Variants in GMEB2 observed in about 807,000 individuals in gnomAD.
The protein encoded by GMEB2 is glucocorticoid modulatory element-binding protein 2.
Under a neutral mutation model 45.7 loss-of-function variants are expected in GMEB2, and 7 were observed. The ratio of observed to expected loss-of-function variants is 0.15; its 90% CI spans 0.09 to 0.29. The LOEUF is 0.29. Among genes scored for constraint, GMEB2 ranks in the 10% least tolerant of loss-of-function variants. The pLI, the probability that GMEB2 is intolerant of heterozygous loss-of-function variation, is 1.00. For synonymous variants in GMEB2, 322 were observed against 323.6 expected (o/e 1.00, Z 0.05); for missense variants, 582 against 739.2 (o/e 0.79, Z 2.47).
chr20:63,609,508 C>T (rs1301334334), intron 2 of GMEB2, among the ~76,000 whole-genome samples: 10 of 56,326 alleles, frequency 1.8e-4, no homozygotes, highest in African/African-American at 3.8e-4. Context: ...TAGAAACATG[C>T]CCCTCTGACC....
At chr20:63,604,012 C>A (rs2089497872) in intron 3 of GMEB2, among the ~76,000 whole-genome samples, 2 of 150,336 alleles carry the variant, frequency 1.3e-5, no homozygotes, top group Non-Finnish European at 2.9e-5. Flanking sequence ...TGAGATCATG[C>A]CATCACACTC....
At chr20:63,607,342 C>CA (rs2089529260) in intron 2 of GMEB2, among the ~76,000 whole-genome samples, 1 of 29,794 alleles carries the variant, frequency 3.4e-5, no homozygotes. Flanking sequence ...CTGACCTCAC[C>CA]TCCATTTCTA....
intron 1 of GMEB2, among the ~76,000 whole-genome samples, chr20:63,622,175 C>G (rs190180711): frequency 6.6e-6 from 1 of 152,200 alleles, no homozygotes; most frequent in East Asian, 1.9e-4. Flanking sequence ...ATAAAATCTT[C>G]CAGAACTTTT....
intron 9 of GMEB2, among the ~76,000 whole-genome samples, chr20:63,591,673 C>T (rs554977409): frequency 9.2e-5 from 14 of 152,280 alleles, no homozygotes; most frequent in African/African-American, 3.4e-4. Context: ...CCACGTTGGC[C>T]AGGCTGGTCT....
Position 63,592,945 on chromosome 20 carries a change from G to A in GMEB2, c.691+66C>T, listed in dbSNP as rs2083161503. On this transcript the variant is annotated intron_variant, in intron 7 of 9. Transcript: ENST00000370077. This position sits in a 1 kb window ranked among gnomAD's most constrained non-coding sequence, Gnocchi z 8.2. ...GACTCCTGGAGCCCCTGTGTGGCCC[G>A]AGGTGGGCAGAGACTCCACCACCCC... 16 of 1,077,144 alleles carry A rather than the reference G, an allele frequency of 1.5e-5. No homozygotes were observed. The highest frequency in any genetic ancestry group is 1.3e-4 in the South Asian group (10 of 75,724). 66.7% of individuals were successfully genotyped at this position (1,077,144 alleles called of 1,614,324 possible).
At position 63,590,424 on chromosome 20, in the gene GMEB2, C is replaced by A; in HGVS notation, c.1258G>T (p.Ala420Ser). 1 of 1,555,156 alleles carries A rather than the reference C, an allele frequency of 6.4e-7. No homozygotes were observed. Among genetic ancestry groups the A allele is most frequent in the Non-Finnish European group, 8.7e-7 (1 of 1,145,104 alleles). The part of the protein sequence containing the change: ...LGKGSLQAPP[A>S]SSPASPLLGG... ...AGCAGCGGGGAGGCCGGGGAGCTGG[C>A]GGGGGGCGCCTGAAGGGAACCCTTG... Residue 420 changes from alanine (A) to serine (S), a missense_variant, in exon 10 of 10, where the codon GCC (alanine) becomes TCC (serine). Coordinates refer to ENST00000370077, the MANE Select transcript of GMEB2 (RefSeq NM_012384.5).
chr20:63,589,208 C>G lies in GMEB2; in HGVS notation c.*881G>C, dbSNP rs1444272951. The G allele has an allele frequency of 2.5e-6, 1 of 399,092 alleles. No individual in the cohort carries two copies. Among genetic ancestry groups the G allele is most frequent in the East Asian group, 3.5e-5 (1 of 28,220 alleles). 24.7% of individuals were successfully genotyped at this position (399,092 alleles called of 1,614,324 possible). ...GACACACCTCATGGATCTCAGACCCCTGGGAGGGGCCGGCTCAGGGACAGG... is the reference window on the plus strand; with the variant it reads ...GACACACCTCATGGATCTCAGACCCGTGGGAGGGGCCGGCTCAGGGACAGG... On this transcript the variant is annotated 3_prime_UTR_variant, in exon 10 of 10. Transcript: ENST00000370077.
At chr20:63,623,197 C>T (rs1266280783) in intron 1 of GMEB2, among the ~76,000 whole-genome samples, 1 of 152,150 alleles carries the variant, frequency 6.6e-6, no homozygotes, top group Non-Finnish European at 1.5e-5. Flanking sequence ...AAATTAAGAA[C>T]ATCCTGGAAC....
Position 63,589,482 on chromosome 20 carries a change from G to A in GMEB2, c.*607C>T, listed in dbSNP as rs1325875233. The A allele has an allele frequency of 9.9e-6, 3 of 303,934 alleles. No individual in the cohort carries two copies. The highest frequency in any genetic ancestry group is 4.3e-5 in the African/African-American group (2 of 46,718). 18.8% of individuals were successfully genotyped at this position (303,934 alleles called of 1,614,324 possible). ...GCACCGGCTGGGGGCGGGGGAGGCAGGCACCCATCAGGATCTGCACCCCAA... is the reference window on the plus strand; with the variant it reads ...GCACCGGCTGGGGGCGGGGGAGGCAAGCACCCATCAGGATCTGCACCCCAA... On this transcript the variant is annotated 3_prime_UTR_variant, in exon 10 of 10. Coordinates refer to ENST00000370077, the MANE Select transcript of GMEB2 (RefSeq NM_012384.5).
At chr20:63,624,372 C>T (rs1171198230) in intron 1 of GMEB2, among the ~76,000 whole-genome samples, 1 of 150,458 alleles carries the variant, frequency 6.6e-6, no homozygotes, top group Non-Finnish European at 1.5e-5. Flanking sequence ...GAGGTTGCAG[C>T]GAGCCAAGAT....
chr20:63,590,306 G>A lies in GMEB2; in HGVS notation c.1376C>T (p.Thr459Met), dbSNP rs750726028. 5 of 1,612,620 alleles carry A rather than the reference G, an allele frequency of 3.1e-6. No homozygotes were observed. Among genetic ancestry groups the A allele is most frequent in the Non-Finnish European group, 4.2e-6 (5 of 1,179,806 alleles). ...PDASSLTVLS[T>M]AAVQDGSTVF... The stretch of plus-strand genomic sequence containing the variant: ...CGTGCTACCGTCCTGCACGGCGGCC[G>A]TGCTCAGGACCGTGAGGCTGGACGC... Residue 459 changes from threonine (T) to methionine (M), a missense_variant, in exon 10 of 10, where the codon ACG becomes ATG. Coordinates refer to ENST00000370077, the MANE Select transcript of GMEB2 (RefSeq NM_012384.5).
At position 63,588,939 on chromosome 20, in the gene GMEB2, T is replaced by A; in HGVS notation, c.*1150A>T. The A allele has an allele frequency of 2.5e-6, 1 of 398,946 alleles. No homozygotes were observed. The highest frequency in any genetic ancestry group is 4.4e-6 in the Non-Finnish European group (1 of 226,312). 24.7% of individuals were successfully genotyped at this position (398,946 alleles called of 1,614,324 possible). On this transcript the variant is annotated 3_prime_UTR_variant, in exon 10 of 10. Coordinates refer to ENST00000370077, the MANE Select transcript of GMEB2 (RefSeq NM_012384.5). ...ACAGACAGCCCTTCCAGACAGGCTC[T>A]GGGCTCCACCTTCGGCAGCTGCCCT...
chr20:63,616,794 C>A (rs912998701), intron 2 of GMEB2, among the ~76,000 whole-genome samples: 2 of 152,240 alleles, frequency 1.3e-5, no homozygotes, highest in African/African-American at 2.4e-5. Context: ...TGGAGGCAGG[C>A]CCCTGCCTAC....
intron 5 of GMEB2, among the ~76,000 whole-genome samples, 171 bp from the exon 6 acceptor site, chr20:63,595,938 C>T (rs1320602839): frequency 3.9e-5 from 6 of 152,266 alleles, no homozygotes; most frequent in Admixed American, 2.0e-4. Context: ...GCTCGGCGTG[C>T]AGGACCCTGC....
intron 2 of GMEB2, among the ~76,000 whole-genome samples, chr20:63,606,441 G>A (rs1031979465): frequency 2.0e-5 from 3 of 149,428 alleles, no homozygotes; most frequent in African/African-American, 4.9e-5. Context: ...TCTGCCTTCC[G>A]GGTTCACACC....
intron 4 of GMEB2, among the ~76,000 whole-genome samples, chr20:63,599,658 C>T (rs2083227214): frequency 1.3e-5 from 2 of 152,176 alleles, no homozygotes; most frequent in South Asian, 4.1e-4. Flanking sequence ...CTTCTCTGTC[C>T]CCGTCCTTCT....
chr20:63,591,473 T>C (rs1347427795), intron 9 of GMEB2, among the ~76,000 whole-genome samples: 3 of 108,420 alleles, frequency 2.8e-5, no homozygotes, highest in Admixed American at 9.4e-5. Flanking sequence ...TTCTCTGTCA[T>C]TGTTTTTTTT....
At chr20:63,611,692 T>C (rs2089572078) in intron 2 of GMEB2, among the ~76,000 whole-genome samples, 1 of 152,048 alleles carries the variant, frequency 6.6e-6, no homozygotes, top group Admixed American at 6.5e-5. Flanking sequence ...TAGAAGGTTC[T>C]TCTCCAAACA....
chr20:63,611,866 A>G (rs76257944), intron 2 of GMEB2, among the ~76,000 whole-genome samples: 8,375 of 152,176 alleles, frequency 0.055, 342 homozygotes, highest in Non-Finnish European at 0.075. Context: ...GCGTGGTGGC[A>G]CATGCCTGCA....
Sources: gnomAD v4.1 joint callset for allele counts (sites outside exome capture counted in the v4.1 genomes callset) on GRCh38, gnomAD v4.1.1 for gene constraint, Gnocchi (gnomAD v3.1) non-coding constraint, MANE v1.5 for transcripts, NCBI Gene and HGNC (gene_info 2026-07-23, HGNC 2026-07-21) for gene names.